PPP1R37: variants seen among roughly 807,000 people sequenced by gnomAD.
The protein encoded by PPP1R37 is protein phosphatase 1 regulatory subunit 37.
A neutral mutation model predicts 61.0 loss-of-function variants in PPP1R37; 21 were observed. The observed-to-expected ratio is 0.34, with a 90% confidence interval of 0.24 to 0.50. The LOEUF (loss-of-function observed/expected upper bound fraction) is 0.50. Ranked by LOEUF, PPP1R37 falls within the 20% of genes least tolerant of loss-of-function variation. The pLI is 0.98. For missense variants in PPP1R37, 910 were observed against 952.7 expected, an observed-to-expected ratio of 0.96 and a Z score of 0.59; for synonymous variants, 443 against 433.5, an observed-to-expected ratio of 1.02 and a Z score of -0.27.
intron 1 of PPP1R37, among the ~76,000 whole-genome samples, chr19:45,134,404 G>C (rs990383143): frequency 6.6e-6 from 1 of 152,134 alleles, no homozygotes; most frequent in Non-Finnish European, 1.5e-5. Context: ...TGGGCCTGGC[G>C]GGTGTGAGTG....
Position 45,130,907 on chromosome 19 carries a change from G to A in PPP1R37, c.203-7607G>A, listed in dbSNP as rs1448671052. ...CTCCCTCCCCATCCCTCCTCTGAGA[G>A]TTGACACCCTCCCACTGTGTCCCCC... On this transcript the variant is annotated intron_variant, in intron 1 of 12. Coordinates refer to ENST00000221462, the MANE Select transcript of PPP1R37 (RefSeq NM_019121.2). This position sits in a 1 kb window ranked among gnomAD's most constrained non-coding sequence, Gnocchi z 4.4. Among the ~76,000 whole-genome samples the A allele has an allele frequency of 6.6e-6, 1 of 152,100 alleles. No homozygotes were observed. Among genetic ancestry groups the A allele is most frequent in the Non-Finnish European group, 1.5e-5 (1 of 68,022 alleles).
At chr19:45,127,591 G>T (rs1004364329) in intron 1 of PPP1R37, among the ~76,000 whole-genome samples, 1 of 152,192 alleles carries the variant, frequency 6.6e-6, no homozygotes, top group Non-Finnish European at 1.5e-5. Context: ...ATCATTGACT[G>T]AAATGGCTTT....
intron 1 of PPP1R37, among the ~76,000 whole-genome samples, chr19:45,097,292 A>G (rs1968004683): frequency 6.6e-6 from 1 of 151,916 alleles, no homozygotes; most frequent in Admixed American, 6.6e-5. Flanking sequence ...CGTGACCCCA[A>G]GGCCAAGGGG....
rs142895552 is a variant in PPP1R37, at chr19:45,117,023, C to T, written c.203-21491C>T. Among the ~76,000 whole-genome samples, 20 of 151,946 alleles carry T rather than the reference C, an allele frequency of 1.3e-4. No homozygotes were observed. The East Asian group carries it at 3.7e-3, about 28-fold the overall frequency. On this transcript the variant is annotated intron_variant, in intron 1 of 12. Coordinates refer to ENST00000221462, the MANE Select transcript of PPP1R37 (RefSeq NM_019121.2). The stretch of plus-strand genomic sequence containing the variant: ...CCATCTCCCAGCTCAAGCGATTCTC[C>T]TGTCTCAGCCTCCCAAGTATCTGGG...
chr19:45,134,718 C>T (rs1259446200), intron 1 of PPP1R37, among the ~76,000 whole-genome samples: 1 of 152,050 alleles, frequency 6.6e-6, no homozygotes, highest in Non-Finnish European at 1.5e-5. Context: ...CACCACCACG[C>T]CCGGCTAATT....
intron 1 of PPP1R37, among the ~76,000 whole-genome samples, chr19:45,109,362 C>G (rs549622689): frequency 6.6e-6 from 1 of 152,168 alleles, no homozygotes; most frequent in Non-Finnish European, 1.5e-5. Context: ...GGCTGGGGCC[C>G]TCAGAGAGGG....
rs1397618607 is a variant in PPP1R37, at chr19:45,145,604, GGAGGAA to G, written c.1556_1561del (p.Glu519_Glu520del). 3.3e-6 allele frequency: 5 copies of G among 1,536,016 alleles called. No individual in the cohort carries two copies. In the African/African-American group the frequency reaches 4.1e-5, roughly 13 times the overall value. On this transcript the variant is annotated inframe_deletion, in exon 11 of 13. Coordinates refer to ENST00000221462, the MANE Select transcript of PPP1R37 (RefSeq NM_019121.2). Reference sequence around the variant, plus strand: ...ACTCGGACTCGGATGGGGAGGAAGAGGAGGAAGAGGAAGGGGAGAGGGACGAGACCC... The same window carrying G: ...ACTCGGACTCGGATGGGGAGGAAGAGGAGGAAGGGGAGAGGGACGAGACCC...
intron 2 of PPP1R37, among the ~76,000 whole-genome samples, chr19:45,139,091 A>G (rs1968576593): frequency 6.6e-6 from 1 of 150,476 alleles, no homozygotes; most frequent in South Asian, 2.1e-4. Flanking sequence ...TTTTTTTTGT[A>G]TTTTTAGTAG....
intron 1 of PPP1R37, among the ~76,000 whole-genome samples, chr19:45,118,230 G>A (rs981574191): frequency 6.6e-6 from 1 of 152,214 alleles, no homozygotes; most frequent in African/African-American, 2.4e-5. Flanking sequence ...GTGCCCAGGG[G>A]AGCTCCCAGT....
intron 1 of PPP1R37, among the ~76,000 whole-genome samples, chr19:45,119,675 A>T (rs1968314871): frequency 6.6e-6 from 1 of 152,188 alleles, no homozygotes; most frequent in Non-Finnish European, 1.5e-5. Context: ...ACTCAGCCCC[A>T]AGCCGGCACC....
chr19:45,134,270 C>G (rs1228148342), intron 1 of PPP1R37, among the ~76,000 whole-genome samples: 1 of 152,128 alleles, frequency 6.6e-6, no homozygotes, highest in Non-Finnish European at 1.5e-5. Flanking sequence ...TCACATAGTG[C>G]TGGGATTGCA....
At position 45,093,204 on chromosome 19, in the gene PPP1R37, G is replaced by C. The variant is rs1334476979; in HGVS notation, c.-122G>C. The C allele has an allele frequency of 3.7e-6, 3 of 810,026 alleles. No individual in the cohort carries two copies. Among genetic ancestry groups the C allele is most frequent in the Non-Finnish European group, 3.4e-6 (2 of 579,762 alleles). The allele number at this position is 810,026 out of a possible 1,614,324, so 50.2% of individuals were successfully genotyped here. The stretch of plus-strand genomic sequence containing the variant: ...GACGACTACGACCACTAGGAGAGCG[G>C]ACGGAGGCGGCGCCTGAAGCGGCGG... On this transcript the variant is annotated 5_prime_UTR_variant, in exon 1 of 13. Coordinates refer to ENST00000221462, the MANE Select transcript of PPP1R37 (RefSeq NM_019121.2).
intron 1 of PPP1R37, among the ~76,000 whole-genome samples, chr19:45,118,302 T>C (rs1458121913): frequency 1.2e-4 from 19 of 152,170 alleles, no homozygotes; most frequent in Admixed American, 1.2e-3. Context: ...CTGTGACCTG[T>C]GTCACAGGGC....
At chr19:45,128,765 G>A (rs993657281) in intron 1 of PPP1R37, 1 of 669,358 alleles carries the variant, frequency 1.5e-6, no homozygotes, top group Non-Finnish European at 2.6e-6. Context: ...TCTTTACTGG[G>A]AAGAAATATA....
Position 45,144,950 on chromosome 19 carries a change from A to C in PPP1R37, c.1084A>C (p.Ser362Arg). The C allele has an allele frequency of 6.5e-7, 1 of 1,535,680 alleles. No homozygotes were observed. The highest frequency in any genetic ancestry group is 1.2e-5 in the South Asian group (1 of 83,994). Residue 362 changes from serine to arginine, a missense_variant, in exon 9 of 13, where the codon AGC becomes CGC. This residue lies in a region of PPP1R37 where 549 missense variants were observed against 505.1 expected (regional missense o/e 1.09). Coordinates refer to ENST00000221462, the MANE Select transcript of PPP1R37 (RefSeq NM_019121.2). The stretch of plus-strand genomic sequence containing the variant: ...CAAGAACGGGCTCATCAGCAACCGC[A>C]GCGTGCTGCGCCTCGGGCTGGCCTC... ...HLKNGLISNRSVLRLGLASTK... is the reference protein window; with the variant it reads ...HLKNGLISNRRVLRLGLASTK...
At chr19:45,140,666 G>T (rs1278486152) in intron 4 of PPP1R37, 60 bp downstream of exon 4, 12 of 1,327,784 alleles carry the variant, frequency 9.0e-6, no homozygotes, top group South Asian at 1.3e-5. Flanking sequence ...TTCGAGGTTT[G>T]GGTGGGGAGA....
chr19:45,093,192 A>G lies in PPP1R37; in HGVS notation c.-134A>G, dbSNP rs2122699176. On this transcript the variant is annotated 5_prime_UTR_variant, in exon 1 of 13. Coordinates refer to ENST00000221462, the MANE Select transcript of PPP1R37 (RefSeq NM_019121.2). ...GCTCCCGGCGGCGACGACTACGACC[A>G]CTAGGAGAGCGGACGGAGGCGGCGC... is the stretch of plus-strand genomic sequence containing the variant. 3 of 717,456 alleles carry G rather than the reference A, an allele frequency of 4.2e-6. No homozygotes were observed. The highest frequency in any genetic ancestry group is 3.5e-5 in the East Asian group (1 of 28,738). 44.4% of individuals were successfully genotyped at this position (717,456 alleles called of 1,614,324 possible).
intron 1 of PPP1R37, among the ~76,000 whole-genome samples, chr19:45,135,721 T>C (rs1968530780): frequency 6.6e-6 from 1 of 151,890 alleles, no homozygotes; most frequent in Non-Finnish European, 1.5e-5. Context: ...GCAGCGCTGC[T>C]CTGTGTGTCT....
At chr19:45,117,901 G>A (rs1968291270) in intron 1 of PPP1R37, among the ~76,000 whole-genome samples, 1 of 152,198 alleles carries the variant, frequency 6.6e-6, no homozygotes, top group African/African-American at 2.4e-5. Flanking sequence ...GAGGCTGCTG[G>A]GGAAGGTGTC....
Sources: allele counts gnomAD v4.1 joint callset (sites outside exome capture counted in the v4.1 genomes callset), GRCh38; gene constraint gnomAD v4.1.1; regional missense constraint gnomAD v4.1.1; non-coding constraint Gnocchi (gnomAD v3.1); transcripts MANE v1.5; gene names NCBI Gene and HGNC (gene_info 2026-07-23, HGNC 2026-07-21).